The following PIGG variants were observed in gnomAD, a reference collection of about 807,000 sequenced individuals.
PIGG encodes the protein GPI ethanolamine phosphate transferase 2, catalytic subunit.
Under a neutral mutation model 83.2 loss-of-function variants are expected in PIGG, and 70 were observed. That is an observed-to-expected ratio of 0.84 (90% confidence interval 0.69 to 1.03). The LOEUF is 1.03. PIGG is among the 50% of genes least tolerant of loss of function. The pLI, the probability that PIGG is intolerant of heterozygous loss-of-function variation, is 0.00. For missense variants in PIGG, 1,257 were observed against 1,233.6 expected (o/e 1.02, Z -0.28); for synonymous variants, 532 against 519.5 (o/e 1.02, Z -0.33).
intron 6 of PIGG, among the ~76,000 whole-genome samples, chr4:518,258 T>C (rs2108906982): frequency 6.6e-6 from 1 of 152,358 alleles, no homozygotes; most frequent in East Asian, 1.9e-4. Flanking sequence ...ATTGCTTGTT[T>C]TGTTACTGTG....
In PIGG at chr4:521,124, G is replaced by A. The variant is rs150635196; in HGVS notation, c.1183G>A (p.Glu395Lys). 56 of 1,614,154 alleles carry A rather than the reference G, an allele frequency of 3.5e-5. No individual in the cohort carries two copies. In the African/African-American group the frequency reaches 6.7e-4, roughly 19 times the overall value. Residue 395 changes from glutamate (E) to lysine (K), a missense_variant, in exon 7 of 13, where the codon GAA becomes AAA. By Grantham distance (56) the Glu-to-Lys change is moderately conservative. Transcript: ENST00000453061. ...GAACTGGATCAGACTGTACTTGGAGGAAAAGCATTCAGAAGTCCTATTCAA... is the reference window on the plus strand; with the variant it reads ...GAACTGGATCAGACTGTACTTGGAGAAAAAGCATTCAGAAGTCCTATTCAA... ...HGNWIRLYLE[E>K]KHSEVLFNLG...
intron 1 of PIGG, among the ~76,000 whole-genome samples, 184 bp from the exon 2 acceptor site, chr4:500,212 C>G (rs967953587): frequency 3.3e-5 from 5 of 152,170 alleles, no homozygotes; most frequent in African/African-American, 1.2e-4. Context: ...AAGATTACTC[C>G]TGTTAACCCC....
intron 12 of PIGG, among the ~76,000 whole-genome samples, chr4:538,502 G>A (rs1731289044): frequency 6.6e-6 from 1 of 152,182 alleles, no homozygotes; most frequent in African/African-American, 2.4e-5. Flanking sequence ...TTCATCGTTT[G>A]TATTTTATAA....
intron 7 of PIGG, 75 bp from the exon 8 acceptor site, chr4:521,585 C>A: frequency 7.2e-7 from 1 of 1,385,732 alleles, no homozygotes; most frequent in Non-Finnish European, 1.0e-6. Flanking sequence ...GACACGAGAG[C>A]GGGAGCTGGG....
At position 521,651 on chromosome 4, in the gene PIGG, C is replaced by G. The variant is rs764794953; in HGVS notation, c.1333-9C>G. On this transcript the variant is annotated splice_polypyrimidine_tract_variant and intron_variant, in intron 7 of 12. Transcript: ENST00000453061. Reference sequence around the variant, plus strand: ...GCAGTCTGTGGATGCTGCTGTTTCTCTGTTCCAGGTTCTCACCCTGCTCCT... The same window carrying G: ...GCAGTCTGTGGATGCTGCTGTTTCTGTGTTCCAGGTTCTCACCCTGCTCCT... 1.9e-6 allele frequency: 3 copies of G among 1,611,506 alleles called. No individual in the cohort carries two copies. In the East Asian group the frequency reaches 6.7e-5, roughly 36 times the overall value.
At chr4:537,571 G>A (rs898200715) in intron 12 of PIGG, among the ~76,000 whole-genome samples, 4 of 152,162 alleles carry the variant, frequency 2.6e-5, no homozygotes, top group South Asian at 2.1e-4. Flanking sequence ...TGGGGTCCCC[G>A]GCCTGTGGGG....
rs1731548163 is a variant in PIGG at position 539,427 on chromosome 4, G to T, written c.*58G>T. On this transcript the variant is annotated 3_prime_UTR_variant, in exon 13 of 13. Transcript: ENST00000453061. ...TTAAAGTCTGCTGTTATTCTAAAATGAAAGATATGAATTCAACAAAGTTGA... is the reference window on the plus strand; with the variant it reads ...TTAAAGTCTGCTGTTATTCTAAAATTAAAGATATGAATTCAACAAAGTTGA... 9.5e-7 allele frequency: 1 copy of T among 1,047,810 alleles called. No homozygotes were observed. 64.9% of individuals were successfully genotyped at this position (1,047,810 alleles called of 1,614,324 possible).
Position 505,828 on chromosome 4 carries a change from AAT to A in PIGG, c.473_474del (p.Ile158SerfsTer6), listed in dbSNP as rs1553878795. On this transcript the variant is annotated frameshift_variant, in exon 3 of 13. Transcript: ENST00000453061. LOFTEE classifies it high-confidence loss of function. ...GACAAGCAAAAGCAGCTGGAAAAAG[AAT>A]AGTCTTTTATGGAGATGAAACCTGG... ...IRQAKAAGKRIVFYGDETWVK... is the reference protein window; with the variant it reads ...IRQAKAAGKRXVFYGDETWVK... 1 of 1,613,400 alleles carries A rather than the reference AAT, an allele frequency of 6.2e-7. No individual in the cohort carries two copies. The highest frequency in any genetic ancestry group is 8.5e-7 in the Non-Finnish European group (1 of 1,179,822).
In PIGG at chr4:527,067, C is replaced by G; in HGVS notation, c.2098C>G (p.Leu700Val). 1 of 1,614,126 alleles carries G rather than the reference C, an allele frequency of 6.2e-7. No homozygotes were observed. Among genetic ancestry groups the G allele is most frequent in the Non-Finnish European group, 8.5e-7 (1 of 1,179,994 alleles). Residue 700 changes from leucine to valine, a missense_variant, in exon 10 of 13, where the codon CTG becomes GTG. Physicochemically the swap from Leu to Val is conservative, Grantham distance 32 (BLOSUM62 1). Transcript: ENST00000453061. Reference sequence around the variant, plus strand: ...TGACCACAAAGCCGAGCTCTCTGTCCTGGCTGCCCTCTCCCTCCTCGTAGT... The same window carrying G: ...TGACCACAAAGCCGAGCTCTCTGTCGTGGCTGCCCTCTCCCTCCTCGTAGT... ...SSDHKAELSV[L>V]AALSLLVVFV...
chr4:537,682 C>T (rs1731007636), intron 12 of PIGG, among the ~76,000 whole-genome samples: 1 of 151,966 alleles, frequency 6.6e-6, no homozygotes, highest in South Asian at 2.1e-4. Flanking sequence ...GCACCGGCCA[C>T]CCACCGGGAG....
chr4:520,980 A>T, intron 6 of PIGG, 76 bp from the exon 7 acceptor site: 1 of 1,025,312 alleles, frequency 9.8e-7, no homozygotes, highest in Non-Finnish European at 1.5e-6. Flanking sequence ...GCATAACCGA[A>T]TACTTTGAGA....
rs1723421088 is a variant in PIGG at position 515,194 on chromosome 4, C to T, written c.902-779C>T. On this transcript the variant is annotated intron_variant, in intron 5 of 12. Coordinates refer to ENST00000453061, the MANE Select transcript of PIGG (RefSeq NM_001127178.3). This position sits in a 1 kb window ranked among gnomAD's most constrained non-coding sequence, Gnocchi z 4.2. ...AGCCGTCCCTGTGGCCTCTTGGCGC[C>T]CTGCCGGTGTACGTTGAATTCCAGG... 1.3e-5 allele frequency among the ~76,000 whole-genome samples: 2 copies of T among 152,258 alleles called. No homozygotes were observed. The highest frequency in any genetic ancestry group is 4.8e-5 in the African/African-American group (2 of 41,462).
intron 9 of PIGG, 110 bp from the exon 10 acceptor site, chr4:526,929 T>G (rs1252554645): frequency 8.3e-6 from 10 of 1,203,360 alleles, no homozygotes; most frequent in Non-Finnish European, 1.2e-5. Context: ...AATCTTTGGT[T>G]TTTGGGAAAA....
chr4:501,101 G>T, intron 2 of PIGG: 1 of 456,224 alleles, frequency 2.2e-6, no homozygotes, highest in Non-Finnish European at 4.4e-6. Context: ...TATCCTTCAG[G>T]TGTCCAGCCT....
chr4:503,271 T>A (rs1040394157), intron 2 of PIGG, among the ~76,000 whole-genome samples: 1 of 152,168 alleles, frequency 6.6e-6, no homozygotes, highest in African/African-American at 2.4e-5. Context: ...TAGCACCTTT[T>A]CTTGGCCCAA....
rs1725994366 is a variant in PIGG at position 521,833 on chromosome 4, C to T, written c.1506C>T (p.Gly502=). 1.2e-6 allele frequency: 2 copies of T among 1,614,054 alleles called. No homozygotes were observed. The highest frequency in any genetic ancestry group is 8.5e-7 in the Non-Finnish European group (1 of 1,180,020). The change falls in exon 8 of 13, where the codon GGC becomes GGT. Residue 502 remains glycine, a synonymous_variant. Transcript: ENST00000453061. ...CTGAAAGTTCGTGCTACTTCTGTGG[C>T]CTCTCGTGGCTGGCGGCAGGTGGGG... ...TSAESSCYFC[G]LSWLAAGGVM...
Position 528,793 on chromosome 4 carries a change from C to T in PIGG, c.2261+1563C>T. The T allele has an allele frequency of 1.3e-5, 12 of 911,676 alleles. No individual in the cohort carries two copies. Among genetic ancestry groups the T allele is most frequent in the Non-Finnish European group, 1.6e-5 (12 of 762,716 alleles). The allele number at this position is 911,676 out of a possible 1,614,324, so 56.5% of individuals were successfully genotyped here. A position where few individuals can be genotyped will look rare whatever the true frequency, so the allele number is the denominator to read the frequency against. ...CTTCCCTTTCCTGGCCTGCTTCCTG[C>T]AGCATGTAATTTGCTAGTGTCCAGA... is the stretch of plus-strand genomic sequence containing the variant. On this transcript the variant is annotated intron_variant, in intron 10 of 12. Transcript: ENST00000453061. The surrounding 1 kb of genome is among the most constrained non-coding windows in gnomAD (Gnocchi z 4.8).
In PIGG at chr4:533,916, G is replaced by A. The variant is rs1359225962; in HGVS notation, c.2670G>A (p.Gly890=). 3 of 1,614,208 alleles carry A rather than the reference G, an allele frequency of 1.9e-6. No homozygotes were observed. The highest frequency in any genetic ancestry group is 2.5e-6 in the Non-Finnish European group (3 of 1,180,038). Residue 890 remains glycine, a synonymous_variant, in exon 12 of 13, where the codon GGG becomes GGA. Transcript: ENST00000453061. ...CAGCCGTGCTCCTGACAGCGTTTGG[G>A]ACGTACGCAGGGCCTGTGCTGTGGG... is the stretch of plus-strand genomic sequence containing the variant. ...EIPAVLLTAF[G]TYAGPVLWAS...
chr4:532,291 G>A (rs1382838120), intron 11 of PIGG: 1 of 152,348 alleles, frequency 6.6e-6, no homozygotes, highest in Non-Finnish European at 1.5e-5. Flanking sequence ...TGCAGCTGCA[G>A]ACATGTCAGC....
Sources: allele counts gnomAD v4.1 joint callset (sites outside exome capture counted in the v4.1 genomes callset), GRCh38; gene constraint gnomAD v4.1.1; non-coding constraint Gnocchi (gnomAD v3.1); transcripts MANE v1.5; gene names NCBI Gene and HGNC (gene_info 2026-07-23, HGNC 2026-07-21).